The following ZNF254 variants were observed in gnomAD, a reference collection of about 807,000 sequenced individuals.
ZNF254 encodes zinc finger protein 254.
Under a neutral mutation model 12.4 loss-of-function variants are expected in ZNF254, and 10 were observed. The ratio of observed to expected loss-of-function variants is 0.80; its 90% CI spans 0.50 to 1.36. The LOEUF is 1.36. Among genes scored for constraint, ZNF254 ranks in the 40% most tolerant of loss-of-function variants. The pLI, the probability that ZNF254 is intolerant of heterozygous loss-of-function variation, is 0.00. For synonymous variants in ZNF254, 305 were observed against 253.4 expected (o/e 1.20, Z -1.93); for missense variants, 996 against 763.9 (o/e 1.30, Z -3.58).
exon 1 of ZNF254, chr19:24,033,477 A>C (rs530690453): frequency 5.4e-6 from 1 of 186,834 alleles, no homozygotes; most frequent in African/African-American, 2.4e-5. Flanking sequence ...CGCTCCCACC[A>C]GAGCTTGGAA....
intron 2 of ZNF254, among the ~76,000 whole-genome samples, chr19:24,069,604 CAAAAAAAAAAA>C (rs968664535): frequency 3.1e-3 from 115 of 36,712 alleles, no homozygotes; most frequent in Non-Finnish European, 5.2e-3. Flanking sequence ...GACTCCATCT[CAAAAAAAAAAA>C]AAAAAAAAAA....
rs572045331 is a variant in ZNF254, at chr19:24,062,318, T to C, written c.-94+16039T>C. On this transcript the variant is annotated intron_variant, in intron 2 of 4. Coordinates refer to the ZNF254 transcript ENST00000613065. ...ACACATGAAAGAGCCCACTGACTGA[T>C]GAGGTCATAATTCTCATGGATGGAT... Among the ~76,000 whole-genome samples the C allele has an allele frequency of 2.0e-5, 3 of 152,312 alleles. No individual in the cohort carries two copies. The East Asian group carries it at 5.8e-4, about 29-fold the overall frequency.
chr19:24,128,182 TA>T lies in ZNF254; in HGVS notation c.*204del. On this transcript the variant is annotated 3_prime_UTR_variant, in exon 4 of 4. Coordinates refer to ENST00000357002, the MANE Select transcript of ZNF254 (RefSeq NM_203282.4). ...AATGATTGTCACACTTGATTGTAGGTAAGATAATTCATACTGGAGAAAACTA... is the reference window on the plus strand; with the variant it reads ...AATGATTGTCACACTTGATTGTAGGTAGATAATTCATACTGGAGAAAACTA... The T allele has an allele frequency of 3.7e-6, 2 of 544,550 alleles. No homozygotes were observed. The allele number at this position is 544,550 out of a possible 1,614,324, so 33.7% of individuals were successfully genotyped here. A position where few individuals can be genotyped will look rare whatever the true frequency, so the allele number is the denominator to read the frequency against.
chr19:24,101,046 C>T (rs1279473018), intron 1 of ZNF254, among the ~76,000 whole-genome samples: 3 of 152,068 alleles, frequency 2.0e-5, no homozygotes, highest in African/African-American at 2.4e-5. Flanking sequence ...AGGCTGGTCT[C>T]GAACTCCCAA....
intron 2 of ZNF254, among the ~76,000 whole-genome samples, chr19:24,075,654 C>G (rs1490088016): frequency 6.6e-6 from 1 of 152,184 alleles, no homozygotes; most frequent in Non-Finnish European, 1.5e-5. Context: ...AATGAGGTTC[C>G]ATGTCCCGCT....
At chr19:24,087,153 G>A, upstream of ZNF254, 1 of 912,490 alleles carries the variant, frequency 1.1e-6, no homozygotes, top group Non-Finnish European at 1.7e-6. Flanking sequence ...GCACACAGCT[G>A]GACTGGACAA....
intron 1 of ZNF254, among the ~76,000 whole-genome samples, chr19:24,090,625 C>CA (rs935410896): frequency 6.6e-6 from 1 of 152,042 alleles, no homozygotes; most frequent in African/African-American, 2.4e-5. Flanking sequence ...TTAGTAGAGA[C>CA]AGAGTTTCAC....
intron 3 of ZNF254, among the ~76,000 whole-genome samples, chr19:24,115,680 TA>T (rs944466681): frequency 6.6e-6 from 1 of 151,928 alleles, no homozygotes; most frequent in East Asian, 1.9e-4. Context: ...ATAATAATAA[TA>T]AAAAAAGAAA....
chr19:24,128,056 A>G lies in ZNF254; in HGVS notation c.*76A>G. The stretch of plus-strand genomic sequence containing the variant: ...TATTCCTACTGGAGAGAAACTACAA[A>G]CCTGAGAGAGGCGCTAATGCTTTTG... On this transcript the variant is annotated 3_prime_UTR_variant, in exon 4 of 4. Coordinates refer to ENST00000357002, the MANE Select transcript of ZNF254 (RefSeq NM_203282.4). The G allele has an allele frequency of 1.4e-6, 2 of 1,402,262 alleles. No homozygotes were observed. The highest frequency in any genetic ancestry group is 1.9e-6 in the Non-Finnish European group (2 of 1,067,192). The allele number at this position is 1,402,262 out of a possible 1,614,324, so 86.9% of individuals were successfully genotyped here. A position where few individuals can be genotyped will look rare whatever the true frequency, so the allele number is the denominator to read the frequency against.
At chr19:24,056,241 C>A (rs987499487) in intron 2 of ZNF254, among the ~76,000 whole-genome samples, 2 of 152,140 alleles carry the variant, frequency 1.3e-5, no homozygotes, top group Admixed American at 1.3e-4. Flanking sequence ...TGTTCCCCGA[C>A]CACATAAGCA....
At chr19:24,063,354 AC>A (rs1900160601) in intron 2 of ZNF254, among the ~76,000 whole-genome samples, 1 of 152,186 alleles carries the variant, frequency 6.6e-6, no homozygotes, top group Non-Finnish European at 1.5e-5. Flanking sequence ...CCGGGCCCAT[AC>A]CCTTGGTAAT....
intron 3 of ZNF254, among the ~76,000 whole-genome samples, chr19:24,116,714 C>T (rs1974103470): frequency 6.6e-6 from 1 of 152,180 alleles, no homozygotes; most frequent in Non-Finnish European, 1.5e-5. Context: ...TCATTCTCCA[C>T]CCAGCTTTGT....
Position 24,127,373 on chromosome 19 carries a change from G to T in ZNF254, c.1373G>T (p.Arg458Ile), listed in dbSNP as rs1469374413. Residue 458 changes from arginine (R) to isoleucine (I), a missense_variant, in exon 4 of 4, where the codon AGA (arginine) becomes ATA (isoleucine). Coordinates refer to ENST00000357002, the MANE Select transcript of ZNF254 (RefSeq NM_203282.4). Reference protein sequence around the residue: ...TLTKHKRIHTREKPYKCEECG... With the variant: ...TLTKHKRIHTIEKPYKCEECG... ...ACTAAACATAAGAGAATTCATACTA[G>T]AGAGAAACCCTACAAATGTGAAGAA... is the stretch of plus-strand genomic sequence containing the variant. The T allele has an allele frequency of 4.3e-6, 7 of 1,611,434 alleles. No homozygotes were observed.
chr19:24,099,190 A>G (rs1475783438), intron 1 of ZNF254, among the ~76,000 whole-genome samples: 8 of 142,154 alleles, frequency 5.6e-5, no homozygotes, highest in Non-Finnish European at 1.2e-4. Context: ...TATTTTTAGT[A>G]GAGATGGGGT....
chr19:24,072,466 C>A (rs961327715), intron 2 of ZNF254, among the ~76,000 whole-genome samples: 3 of 152,156 alleles, frequency 2.0e-5, no homozygotes, highest in African/African-American at 7.2e-5. Context: ...GCCACTGTGC[C>A]ACGCCTTATT....
intron 2 of ZNF254, among the ~76,000 whole-genome samples, chr19:24,059,229 C>G (rs1599614518): frequency 2.6e-5 from 4 of 152,208 alleles, no homozygotes; most frequent in Admixed American, 2.6e-4. Context: ...AATATTATCT[C>G]CTCCCATTTC....
chr19:24,034,287 C>A (rs2145142765), intron 1 of ZNF254, among the ~76,000 whole-genome samples: 1 of 152,108 alleles, frequency 6.6e-6, no homozygotes, highest in African/African-American at 2.4e-5. Flanking sequence ...GCAGATGTCC[C>A]AGCCTGCTCA....
chr19:24,041,617 G>T (rs1599570176), intron 1 of ZNF254, among the ~76,000 whole-genome samples: 2 of 152,370 alleles, frequency 1.3e-5, no homozygotes, highest in African/African-American at 4.8e-5. Flanking sequence ...GGGCTCCTGT[G>T]CGGCCCGAGC....
chr19:24,093,587 G>T (rs1568451795), intron 1 of ZNF254, among the ~76,000 whole-genome samples: 1 of 152,158 alleles, frequency 6.6e-6, no homozygotes, highest in African/African-American at 2.4e-5. Context: ...TTAAAGATCA[G>T]ATGGTTGTAG....
Sources: allele counts gnomAD v4.1 joint callset (sites outside exome capture counted in the v4.1 genomes callset), GRCh38; gene constraint gnomAD v4.1.1; transcripts MANE v1.5; gene names NCBI Gene and HGNC (gene_info 2026-07-23, HGNC 2026-07-21).